The following CDH4 variants were observed in gnomAD, a reference collection of about 807,000 sequenced individuals.
The protein encoded by CDH4 is cadherin-4.
A neutral mutation model predicts 86.0 loss-of-function variants in CDH4; 33 were observed. The observed-to-expected ratio is 0.38, with a 90% CI of 0.29 to 0.51. The LOEUF is 0.51. CDH4 is among the 20% of genes least tolerant of loss of function. The probability of loss-of-function intolerance (pLI) is 0.86; values close to 1 mark genes in which losing one functional copy is unlikely to be tolerated. For synonymous variants in CDH4, 555 were observed against 549.4 expected (o/e 1.01, Z -0.14); for missense variants, 1,114 against 1,307.4 (o/e 0.85, Z 2.28).
At chr20:61,803,425 C>T (rs768962339) in intron 4 of CDH4, among the ~76,000 whole-genome samples, 2 of 152,232 alleles carry the variant, frequency 1.3e-5, no homozygotes, top group Non-Finnish European at 2.9e-5. Flanking sequence ...GAAATCTTTT[C>T]GTTCAACTGT....
chr20:61,931,404 G>A (rs1000987336), intron 13 of CDH4, among the ~76,000 whole-genome samples: 1 of 152,194 alleles, frequency 6.6e-6, no homozygotes, highest in African/African-American at 2.4e-5. Flanking sequence ...AATACCCACA[G>A]AGCTCCTCCC....
Position 61,936,826 on chromosome 20 carries a change from C to G in CDH4, c.2634C>G (p.Gly878=), listed in dbSNP as rs145794407. 479 of 1,610,842 alleles carry G rather than the reference C, an allele frequency of 3.0e-4. 1 individual carries two copies. The African/African-American group carries it at 5.4e-3, about 18-fold the overall frequency. ...ACGAGGGGAGCGGCTCCACCGCAGG[C>G]TCCGTCAGCTCCCTGAACTCATCCA... The part of the protein sequence containing the change: ...FDYEGSGSTA[G]SVSSLNSSSS... The change falls in exon 16 of 16, where the codon GGC becomes GGG. Residue 878 remains glycine, a synonymous_variant. Transcript: ENST00000614565.
intron 2 of CDH4, among the ~76,000 whole-genome samples, chr20:61,407,409 A>T (rs924696527): frequency 6.6e-5 from 10 of 152,226 alleles, no homozygotes; most frequent in African/African-American, 2.4e-4. Flanking sequence ...CCCTGGGGAC[A>T]GGTGTGGCTG....
chr20:61,631,658 AAG>A (rs1344072715), intron 2 of CDH4, among the ~76,000 whole-genome samples: 2 of 152,220 alleles, frequency 1.3e-5, no homozygotes, highest in Admixed American at 6.5e-5. Flanking sequence ...AAAGAAAAAA[AAG>A]AGTGGGGCTC....
rs2084877236 is a variant in CDH4 at position 61,377,220 on chromosome 20, A to T, written c.169+122283A>T. Among the ~76,000 whole-genome samples, 1 of 152,148 alleles carries T rather than the reference A, an allele frequency of 6.6e-6. No homozygotes were observed. The highest frequency in any genetic ancestry group is 2.1e-4 in the South Asian group (1 of 4,824). Reference sequence around the variant, plus strand: ...AACGGAGGAGCCTTGAAGTTTGCAGAAGTGGAATAGAGGCATGGGGGGCTC... The same window carrying T: ...AACGGAGGAGCCTTGAAGTTTGCAGTAGTGGAATAGAGGCATGGGGGGCTC... On this transcript the variant is annotated intron_variant, in intron 2 of 15. Coordinates refer to ENST00000614565, the MANE Select transcript of CDH4 (RefSeq NM_001794.5). This position sits in a 1 kb window ranked among gnomAD's most constrained non-coding sequence, Gnocchi z 4.0.
At position 61,709,607 on chromosome 20, in the gene CDH4, G is replaced by A. The variant is rs532720566; in HGVS notation, c.170-33956G>A. On this transcript the variant is annotated intron_variant, in intron 2 of 15. Coordinates refer to ENST00000614565, the MANE Select transcript of CDH4 (RefSeq NM_001794.5). This position sits in a 1 kb window ranked among gnomAD's most constrained non-coding sequence, Gnocchi z 4.8. Reference sequence around the variant, plus strand: ...GAATGACAATTTTTTTTTTTTTATCGCTGGCTAATCACAGAGTGAGCAGAG... The same window carrying A: ...GAATGACAATTTTTTTTTTTTTATCACTGGCTAATCACAGAGTGAGCAGAG... Among the ~76,000 whole-genome samples, 5 of 150,062 alleles carry A rather than the reference G, an allele frequency of 3.3e-5. No homozygotes were observed. The East Asian group carries it at 9.7e-4, about 29-fold the overall frequency.
chr20:61,488,649 GA>G (rs1313085716), intron 2 of CDH4, among the ~76,000 whole-genome samples: 3 of 151,830 alleles, frequency 2.0e-5, no homozygotes, highest in Non-Finnish European at 4.4e-5. Flanking sequence ...GAGAGAGAGA[GA>G]AAAAAAATGG....
At chr20:61,525,840 T>A (rs60646981) in intron 2 of CDH4, among the ~76,000 whole-genome samples, 11,796 of 152,132 alleles carry the variant, frequency 0.078, 545 homozygotes, top group Non-Finnish European at 0.11. Flanking sequence ...CCAGCTGCTG[T>A]GGCCGGGCCG....
intron 2 of CDH4, among the ~76,000 whole-genome samples, chr20:61,601,941 G>A (rs1320025780): frequency 6.6e-6 from 1 of 152,202 alleles, no homozygotes; most frequent in Non-Finnish European, 1.5e-5. Flanking sequence ...ATACCAGGAG[G>A]GAGGAGAATG....
chr20:61,889,500 T>C (rs946921160), intron 7 of CDH4, among the ~76,000 whole-genome samples: 1 of 148,326 alleles, frequency 6.7e-6, no homozygotes, highest in Non-Finnish European at 1.5e-5. Flanking sequence ...GGATGATGGA[T>C]GGATGATGGA....
chr20:61,879,418 A>G lies in CDH4; in HGVS notation c.1050+5518A>G, dbSNP rs1984185959. On this transcript the variant is annotated intron_variant, in intron 7 of 15. Transcript: ENST00000614565. The surrounding 1 kb of genome is among the most constrained non-coding windows in gnomAD (Gnocchi z 4.1). ...TCTCCCCTGCCCTTGGGCAACAAGC[A>G]GAGTCTTCGGGGGAAGCACCAGAGA... 6.6e-6 allele frequency among the ~76,000 whole-genome samples: 1 copy of G among 152,198 alleles called. No homozygotes were observed. The highest frequency in any genetic ancestry group is 6.5e-5 in the Admixed American group (1 of 15,290).
chr20:61,423,106 T>C (rs1429590475), intron 2 of CDH4, among the ~76,000 whole-genome samples: 3 of 152,032 alleles, frequency 2.0e-5, no homozygotes, highest in Non-Finnish European at 4.4e-5. Context: ...GTGGTGTACC[T>C]CGGGGCAGGG....
At chr20:61,585,994 A>G (rs62650048) in intron 2 of CDH4, among the ~76,000 whole-genome samples, 99,182 of 137,806 alleles carry the variant, frequency 0.72, 35,807 homozygotes, top group Admixed American at 0.79. Context: ...GATGGTGATG[A>G]TGATGATGGT....
At chr20:61,742,349 G>C (rs1379455317) in intron 2 of CDH4, among the ~76,000 whole-genome samples, 3 of 152,178 alleles carry the variant, frequency 2.0e-5, no homozygotes, top group African/African-American at 4.8e-5. Context: ...AAACCCACAA[G>C]TAGGAGGTGC....
At chr20:61,732,568 A>G (rs536906063) in intron 2 of CDH4, among the ~76,000 whole-genome samples, 301 of 152,234 alleles carry the variant, frequency 2.0e-3, no homozygotes, top group African/African-American at 6.8e-3. Context: ...TCAGGCACCA[A>G]CACAGCCTTC....
chr20:61,455,482 G>A (rs1173921766), intron 2 of CDH4, among the ~76,000 whole-genome samples: 7 of 152,176 alleles, frequency 4.6e-5, no homozygotes, highest in Non-Finnish European at 2.9e-5. Flanking sequence ...TATGGCAATC[G>A]CACTCCTGAA....
chr20:61,920,612 T>C (rs1476536072), intron 9 of CDH4, among the ~76,000 whole-genome samples: 7 of 135,176 alleles, frequency 5.2e-5, no homozygotes, highest in Non-Finnish European at 1.1e-4. Flanking sequence ...GTCACAGTGA[T>C]TGCATGGAAG....
At chr20:61,719,510 A>C (rs2088006768) in intron 2 of CDH4, 2 of 212,272 alleles carry the variant, frequency 9.4e-6, no homozygotes, top group Admixed American at 1.1e-4. Context: ...CCCAACCCAA[A>C]GAGAGATAAT....
chr20:61,928,882 C>T (rs143876692), intron 12 of CDH4, among the ~76,000 whole-genome samples: 1 of 152,192 alleles, frequency 6.6e-6, no homozygotes, highest in Non-Finnish European at 1.5e-5. Context: ...TCAAACCCCA[C>T]CAACACTGAA....
Sources: allele counts gnomAD v4.1 joint callset (sites outside exome capture counted in the v4.1 genomes callset), GRCh38; gene constraint gnomAD v4.1.1; non-coding constraint Gnocchi (gnomAD v3.1); transcripts MANE v1.5; gene names NCBI Gene and HGNC (gene_info 2026-07-23, HGNC 2026-07-21).